The following SEMA3A variants were observed in gnomAD, a reference collection of about 807,000 sequenced individuals.
SEMA3A encodes semaphorin-3A.
A neutral mutation model predicts 97.9 loss-of-function variants in SEMA3A; 29 were observed. The ratio of observed to expected loss-of-function variants is 0.30; its 90% CI spans 0.22 to 0.40. SEMA3A has a LOEUF of 0.40. Ranked by LOEUF, SEMA3A falls within the 10% of genes least tolerant of loss-of-function variation. The pLI is 1.00. For missense variants in SEMA3A, 763 were observed against 951.3 expected, an observed-to-expected ratio of 0.80 and a Z score of 2.60; for synonymous variants, 321 against 323.7, an observed-to-expected ratio of 0.99 and a Z score of 0.09.
intron 4 of SEMA3A, among the ~76,000 whole-genome samples, chr7:84,084,744 A>T (rs1306256361): frequency 6.6e-6 from 1 of 152,134 alleles, no homozygotes; most frequent in Admixed American, 6.6e-5. Context: ...AGTTCTTTTA[A>T]AAAACGCAAA....
At chr7:84,357,098 ATTTCT>A (rs1446878431) in intron 2 of SEMA3A, among the ~76,000 whole-genome samples, 1 of 134,770 alleles carries the variant, frequency 7.4e-6, no homozygotes, top group Non-Finnish European at 1.6e-5. Context: ...TGATAAACTA[ATTTCT>A]TTTTTTTTCT....
chr7:84,447,106 T>A (rs960757302), intron 1 of SEMA3A, among the ~76,000 whole-genome samples: 5 of 152,146 alleles, frequency 3.3e-5, no homozygotes, highest in African/African-American at 4.8e-5. Context: ...CCAGGCGCCA[T>A]CACGACCTGG....
At chr7:84,340,160 C>A (rs1042014534) in intron 2 of SEMA3A, among the ~76,000 whole-genome samples, 9 of 152,054 alleles carry the variant, frequency 5.9e-5, no homozygotes, top group Non-Finnish European at 1.3e-4. Flanking sequence ...TTTACAATTT[C>A]TGAACATGAG....
intron 1 of SEMA3A, among the ~76,000 whole-genome samples, chr7:84,379,332 T>A (rs780956853): frequency 4.6e-5 from 7 of 152,218 alleles, no homozygotes; most frequent in Non-Finnish European, 8.8e-5. Context: ...AGTTAATTTA[T>A]AGCTCTATGG....
intron 1 of SEMA3A, among the ~76,000 whole-genome samples, chr7:84,150,380 C>T (rs944914305): frequency 1.3e-5 from 2 of 152,252 alleles, no homozygotes; most frequent in Admixed American, 6.5e-5. Context: ...TCAGTGGGTG[C>T]GCACACTGTG....
chr7:84,269,704 G>C (rs1388948996), intron 3 of SEMA3A, among the ~76,000 whole-genome samples: 1 of 151,956 alleles, frequency 6.6e-6, no homozygotes, highest in Non-Finnish European at 1.5e-5. Flanking sequence ...TTATTATTTA[G>C]GTTTGCAAAA....
intron 6 of SEMA3A, among the ~76,000 whole-genome samples, chr7:84,026,195 T>C (rs527788436): frequency 1.3e-5 from 2 of 152,274 alleles, no homozygotes; most frequent in South Asian, 4.1e-4. Flanking sequence ...CGAACATCAC[T>C]GTGGTGTGGA....
rs181896132 is a variant in SEMA3A, at chr7:83,969,996, C to A, written c.1718-6649G>T. Among the ~76,000 whole-genome samples, 555 of 152,258 alleles carry A rather than the reference C, an allele frequency of 3.6e-3. 5 individuals are homozygous for A. Among genetic ancestry groups the A allele is most frequent in the African/African-American group, 0.013 (544 of 41,570 alleles). ...ACTTAGAAAGCAACTGTTTTGCATA[C>A]AAACTTTTGTCATGAAAATTGCGAG... On this transcript the variant is annotated intron_variant, in intron 15 of 16. Transcript: ENST00000265362.
At chr7:84,161,136 T>G (rs1451757473) in intron 1 of SEMA3A, among the ~76,000 whole-genome samples, 2 of 151,768 alleles carry the variant, frequency 1.3e-5, no homozygotes, top group African/African-American at 2.4e-5. Context: ...GAGGCCGAGG[T>G]GGGCTGATCA....
intron 3 of SEMA3A, among the ~76,000 whole-genome samples, chr7:84,203,183 A>G (rs2116301332): frequency 6.6e-6 from 1 of 152,150 alleles, no homozygotes; most frequent in Non-Finnish European, 1.5e-5. Context: ...AGCCTTGCAT[A>G]ATACATCACA....
At chr7:84,132,630 C>A (rs2116034471) in intron 2 of SEMA3A, among the ~76,000 whole-genome samples, 1 of 137,986 alleles carries the variant, frequency 7.2e-6, no homozygotes, top group African/African-American at 2.6e-5. Context: ...TTCCTAAAAT[C>A]AATATATCTA....
chr7:84,205,508 A>G (rs980089733), intron 3 of SEMA3A, among the ~76,000 whole-genome samples: 1 of 152,224 alleles, frequency 6.6e-6, no homozygotes, highest in African/African-American at 2.4e-5. Context: ...ATATCATTTA[A>G]ATTCATAAGA....
Position 84,005,420 on chromosome 7 carries a change from C to T in SEMA3A, c.1279G>A (p.Val427Ile), listed in dbSNP as rs919531235. The change falls in exon 11 of 17, where the codon GTA becomes ATA. Residue 427 changes from valine to isoleucine, a missense_variant. Around this residue, in one of 2 missense-constraint regions of SEMA3A, gnomAD observed 678 missense variants for 881.3 expected, o/e 0.77. Transcript: ENST00000265362. ...NNRPIVIKTD[V>I]NYQFTQIVVD... ...ACAATTTGTGTAAATTGATAATTTA[C>T]ATCCGTTTTGATCACTATTGGGCGA... 1 of 1,613,882 alleles carries T rather than the reference C, an allele frequency of 6.2e-7. No individual in the cohort carries two copies. Among genetic ancestry groups the T allele is most frequent in the Non-Finnish European group, 8.5e-7 (1 of 1,179,808 alleles).
At chr7:84,071,894 GA>G (rs1464132216) in intron 4 of SEMA3A, among the ~76,000 whole-genome samples, 2 of 152,008 alleles carry the variant, frequency 1.3e-5, no homozygotes, top group Non-Finnish European at 2.9e-5. Context: ...AGAGACTGTG[GA>G]AAAACTACAT....
chr7:84,178,586 G>C (rs1322166051), intron 1 of SEMA3A, among the ~76,000 whole-genome samples: 1 of 152,060 alleles, frequency 6.6e-6, no homozygotes, highest in African/African-American at 2.4e-5. Context: ...AAACCAAGCT[G>C]TTAATTACTA....
chr7:84,270,516 C>T (rs560242966), intron 3 of SEMA3A, among the ~76,000 whole-genome samples: 4 of 147,850 alleles, frequency 2.7e-5, no homozygotes, highest in African/African-American at 9.9e-5. Context: ...CTCTCTCTCT[C>T]TATATGCATA....
chr7:84,255,282 G>A (rs1328496140), intron 3 of SEMA3A, among the ~76,000 whole-genome samples: 2 of 152,028 alleles, frequency 1.3e-5, no homozygotes, highest in Non-Finnish European at 2.9e-5. Flanking sequence ...TATCTTCACA[G>A]CTATTCTGTA....
At chr7:84,310,270 A>C (rs2115860130) in intron 2 of SEMA3A, among the ~76,000 whole-genome samples, 1 of 152,214 alleles carries the variant, frequency 6.6e-6, no homozygotes, top group East Asian at 1.9e-4. Context: ...TAATGTAGAG[A>C]ATCTGCTTGT....
At chr7:84,450,913 T>C (rs1044068974) in intron 1 of SEMA3A, among the ~76,000 whole-genome samples, 11 of 152,166 alleles carry the variant, frequency 7.2e-5, no homozygotes, top group African/African-American at 2.7e-4. Flanking sequence ...ATTAACCCCT[T>C]AGCAAATATA....
Sources: gnomAD v4.1 joint callset for allele counts (sites outside exome capture counted in the v4.1 genomes callset) on GRCh38, gnomAD v4.1.1 for gene constraint, gnomAD v4.1.1 regional missense constraint, MANE v1.5 for transcripts, NCBI Gene and HGNC (gene_info 2026-07-23, HGNC 2026-07-21) for gene names.